The following NRXN3 variants were observed in gnomAD, a reference collection of about 807,000 sequenced individuals.
NRXN3 encodes the protein neurexin 3.
NRXN3 carries 32 observed loss-of-function variants against 137.6 expected under a neutral mutation model. The observed-to-expected ratio is 0.23, with a 90% CI of 0.18 to 0.31. The LOEUF is 0.31. Ranked by LOEUF, NRXN3 falls within the 10% of genes least tolerant of loss-of-function variation. NRXN3 has a pLI of 1.00. For synonymous variants in NRXN3, 798 were observed against 784.5 expected (o/e 1.02, Z -0.29); for missense variants, 1,574 against 2,062.5 (o/e 0.76, Z 4.59).
intron 15 of NRXN3, among the ~76,000 whole-genome samples, chr14:79,422,969 A>T (rs1259493492): frequency 6.6e-6 from 1 of 152,134 alleles, no homozygotes; most frequent in Non-Finnish European, 1.5e-5. Context: ...AAGTGCTGGG[A>T]TTACAGGCAT....
chr14:79,828,022 T>G (rs2141185248), intron 20 of NRXN3, among the ~76,000 whole-genome samples: 1 of 152,174 alleles, frequency 6.6e-6, no homozygotes, highest in African/African-American at 2.4e-5. Flanking sequence ...TGACCGGATC[T>G]CACTGTCATG....
chr14:78,808,014 T>C (rs1055051389), intron 9 of NRXN3, among the ~76,000 whole-genome samples: 9 of 151,988 alleles, frequency 5.9e-5, no homozygotes, highest in African/African-American at 1.9e-4. Context: ...AATGTGTATG[T>C]GTGCGTGTGT....
At chr14:79,827,605 A>C (rs1255852025) in intron 20 of NRXN3, among the ~76,000 whole-genome samples, 1 of 151,952 alleles carries the variant, frequency 6.6e-6, no homozygotes, top group East Asian at 1.9e-4. Flanking sequence ...AGCCTCGGGG[A>C]AACTACAATC....
At chr14:78,252,693 T>G (rs2068827062) in intron 2 of NRXN3, among the ~76,000 whole-genome samples, 2 of 152,198 alleles carry the variant, frequency 1.3e-5, no homozygotes, top group Non-Finnish European at 2.9e-5. Context: ...GTCTCCACTG[T>G]AGCAAGCAGT....
intron 4 of NRXN3, among the ~76,000 whole-genome samples, chr14:78,564,040 GGTATTCCAAATTA>G (rs2096813487): frequency 2.6e-5 from 4 of 152,108 alleles, no homozygotes; most frequent in African/African-American, 9.7e-5. Context: ...ATTTCAATTA[GGTATTCCAAATTA>G]TACTCTTTTC....
At chr14:79,563,246 C>T (rs59078244) in intron 16 of NRXN3, among the ~76,000 whole-genome samples, 2,870 of 151,996 alleles carry the variant, frequency 0.019, 100 homozygotes, top group African/African-American at 0.066. Flanking sequence ...GAATAGGAAA[C>T]GGAGAAGTAG....
intron 10 of NRXN3, among the ~76,000 whole-genome samples, chr14:78,874,767 C>T (rs1222485838): frequency 6.6e-6 from 1 of 152,152 alleles, no homozygotes; most frequent in African/African-American, 2.4e-5. Context: ...GATTTGGGGT[C>T]AAGTCTGGGG....
chr14:79,134,332 G>T (rs1006921230), intron 15 of NRXN3, among the ~76,000 whole-genome samples: 13 of 152,184 alleles, frequency 8.5e-5, no homozygotes, highest in African/African-American at 2.9e-4. Context: ...ACACTGCTGT[G>T]TAATGTTATG....
chr14:78,322,988 G>A (rs1382437345), intron 4 of NRXN3, among the ~76,000 whole-genome samples: 1 of 151,874 alleles, frequency 6.6e-6, no homozygotes, highest in Non-Finnish European at 1.5e-5. Context: ...ATGAGGCTGG[G>A]CACCTTATTT....
intron 19 of NRXN3, among the ~76,000 whole-genome samples, chr14:79,749,566 CTGGTT>C (rs773737805): frequency 2.6e-5 from 4 of 151,990 alleles, no homozygotes; most frequent in African/African-American, 4.8e-5. Flanking sequence ...CGTGCAGTGC[CTGGTT>C]TTTTAACATG....
chr14:79,661,754 T>C (rs1447118700), intron 16 of NRXN3: 1 of 151,800 alleles, frequency 6.6e-6, no homozygotes, highest in Non-Finnish European at 1.5e-5. Context: ...CTCCTTCTGG[T>C]TTTCCTCCTT....
chr14:78,885,081 T>C (rs1021838898), intron 10 of NRXN3, among the ~76,000 whole-genome samples: 1 of 150,990 alleles, frequency 6.6e-6, no homozygotes, highest in African/African-American at 2.4e-5. Flanking sequence ...TAAAATATAA[T>C]GCAGTGAGTT....
intron 15 of NRXN3, among the ~76,000 whole-genome samples, chr14:79,035,046 C>T (rs1174826369): frequency 6.6e-6 from 1 of 152,090 alleles, no homozygotes; most frequent in African/African-American, 2.4e-5. Flanking sequence ...TTAAATAAAA[C>T]AGGCAGAACT....
intron 19 of NRXN3, among the ~76,000 whole-genome samples, chr14:79,732,701 A>C (rs1274234524): frequency 6.6e-6 from 1 of 152,104 alleles, no homozygotes; most frequent in Non-Finnish European, 1.5e-5. Flanking sequence ...TAAAATACTT[A>C]TTTGTTATTT....
chr14:78,597,033 G>C (rs1419676820), intron 4 of NRXN3, among the ~76,000 whole-genome samples: 1 of 152,216 alleles, frequency 6.6e-6, no homozygotes, highest in Non-Finnish European at 1.5e-5. Flanking sequence ...TCAACAGAGA[G>C]AGAGTATCCT....
intron 16 of NRXN3, among the ~76,000 whole-genome samples, chr14:79,510,654 A>G (rs901900477): frequency 4.6e-5 from 7 of 152,314 alleles, no homozygotes; most frequent in Non-Finnish European, 7.3e-5. Flanking sequence ...GGGTAGATTT[A>G]GAGACACTTC....
chr14:78,470,429 C>G (rs1014343969), intron 4 of NRXN3, among the ~76,000 whole-genome samples: 1 of 151,982 alleles, frequency 6.6e-6, no homozygotes, highest in Non-Finnish European at 1.5e-5. Flanking sequence ...GAAGTTGGGG[C>G]AATTTCTTTT....
chr14:79,376,206 G>GTA lies in NRXN3; in HGVS notation c.3263-91014_3263-91013insAT, dbSNP rs1207491057. 4.0e-3 allele frequency among the ~76,000 whole-genome samples: 216 copies of GTA among 53,852 alleles called. 6 individuals are homozygous for GTA. The highest frequency in any genetic ancestry group is 0.014 in the African/African-American group (180 of 12,482). 35.3% of individuals were successfully genotyped at this position (53,852 alleles called of 152,430 possible). ...TATATATACATGTGGGTGTGTGTGT[G>GTA]TGTGTATGTATATATATATATATAT... is the stretch of plus-strand genomic sequence containing the variant. On this transcript the variant is annotated intron_variant, in intron 15 of 20. Transcript: ENST00000335750.
At chr14:78,737,837 G>C (rs1271262064) in intron 8 of NRXN3, among the ~76,000 whole-genome samples, 1 of 152,006 alleles carries the variant, frequency 6.6e-6, no homozygotes, top group African/African-American at 2.4e-5. Flanking sequence ...GGATGGCTTC[G>C]CTTTTGGCAG....
Sources: allele counts gnomAD v4.1 joint callset (sites outside exome capture counted in the v4.1 genomes callset), GRCh38; gene constraint gnomAD v4.1.1; transcripts MANE v1.5; gene names NCBI Gene and HGNC (gene_info 2026-07-23, HGNC 2026-07-21).